GGT1: variants seen among roughly 807,000 people sequenced by gnomAD.
GGT1 encodes the protein gamma-glutamyltransferase 1.
Under a neutral mutation model 56.0 loss-of-function variants are expected in GGT1, and 21 were observed. That is an observed-to-expected ratio of 0.38 (90% CI 0.27 to 0.54). GGT1 has a LOEUF of 0.54. GGT1 is among the 20% of genes least tolerant of loss of function. The pLI is 0.82. For synonymous variants in GGT1, 238 were observed against 342.6 expected (o/e 0.69, Z 3.37); for missense variants, 466 against 787.0 (o/e 0.59, Z 4.88).
chr22:24,619,184 T>A (rs6004202), intron 7 of GGT1, among the ~76,000 whole-genome samples: 12 of 152,154 alleles, frequency 7.9e-5, no homozygotes, highest in African/African-American at 2.9e-4. Context: ...GATCACCTGA[T>A]GTTAGGAGTT....
the GGT1 span, chr22:24,588,930 C>T: frequency 2.0e-6 from 2 of 1,003,328 alleles, no homozygotes; most frequent in Non-Finnish European, 1.2e-6. Flanking sequence ...ATCCGAGGTG[C>T]GCGGCCCACA....
chr22:24,604,309 G>A (rs1219875830), intron 1 of GGT1, among the ~76,000 whole-genome samples: 2 of 152,164 alleles, frequency 1.3e-5, no homozygotes, highest in Non-Finnish European at 2.9e-5. Context: ...ATGGGGTTGG[G>A]GCTGTGCTCT....
At chr22:24,616,283 AC>A (rs932840877) in intron 7 of GGT1, among the ~76,000 whole-genome samples, 7 of 151,462 alleles carry the variant, frequency 4.6e-5, no homozygotes, top group South Asian at 4.2e-4. Context: ...GCGTGGTGGC[AC>A]AGGCCTGTAA....
chr22:24,604,153 C>T (rs2045880697), intron 1 of GGT1, among the ~76,000 whole-genome samples: 1 of 138,774 alleles, frequency 7.2e-6, no homozygotes, highest in Non-Finnish European at 1.6e-5. Flanking sequence ...TGTGCATTCT[C>T]ATATCGAGGG....
At position 24,620,336 on chromosome 22, in the gene GGT1, T is replaced by A. The variant is rs2047343672; in HGVS notation, c.391T>A (p.Ser131Thr). 1 of 1,611,566 alleles carries A rather than the reference T, an allele frequency of 6.2e-7. No individual in the cohort carries two copies. Among genetic ancestry groups the A allele is most frequent in the South Asian group, 1.1e-5 (1 of 90,962 alleles). The change falls in exon 8 of 16, where the codon TCG becomes ACG. Residue 131 changes from serine to threonine, a missense_variant. Coordinates refer to ENST00000400382, the MANE Select transcript of GGT1 (RefSeq NM_001288833.2). This position sits in a 1 kb window ranked among gnomAD's most constrained non-coding sequence, Gnocchi z 5.6. ...SSEQSQKGGL[S>T]VAVPGEIRGY... ...TGGCTCTCTCTCCCCAGGGGGGCTG[T>A]CGGTGGCGGTGCCTGGGGAGATCCG...
At chr22:24,623,278 G>A (rs558399207) in intron 10 of GGT1, 22 bp downstream of exon 10, 14 of 1,515,908 alleles carry the variant, frequency 9.2e-6, no homozygotes, top group Admixed American at 3.9e-5. Context: ...CACCACAGCC[G>A]TGTGGTAGGA....
In GGT1 at chr22:24,620,064, C is replaced by G. The variant is rs571576677; in HGVS notation, c.383-264C>G. On this transcript the variant is annotated intron_variant, in intron 7 of 15. Transcript: ENST00000400382. This position sits in a 1 kb window ranked among gnomAD's most constrained non-coding sequence, Gnocchi z 5.6. Reference sequence around the variant, plus strand: ...AAAATAAATTTAAAAATTAAAAATCCCCTTCTGCTAGGTGTGCTGTTCACG... The same window carrying G: ...AAAATAAATTTAAAAATTAAAAATCGCCTTCTGCTAGGTGTGCTGTTCACG... Among the ~76,000 whole-genome samples, 1 of 151,916 alleles carries G rather than the reference C, an allele frequency of 6.6e-6. No homozygotes were observed. Among genetic ancestry groups the G allele is most frequent in the Non-Finnish European group, 1.5e-5 (1 of 67,966 alleles).
upstream of GGT1, chr22:24,592,505 C>T: frequency 2.3e-6 from 1 of 443,462 alleles, no homozygotes; most frequent in Admixed American, 2.6e-5. Context: ...TCCCGGGCCC[C>T]TCCCATCTTG....
chr22:24,606,733 A>T (rs1321171791), intron 1 of GGT1, among the ~76,000 whole-genome samples: 1 of 152,090 alleles, frequency 6.6e-6, no homozygotes, highest in Non-Finnish European at 1.5e-5. Context: ...GGATGACAGG[A>T]CAGGCCTATG....
upstream of GGT1, among the ~76,000 whole-genome samples, chr22:24,601,221 T>C (rs9624507): frequency 0.051 from 6,136 of 119,524 alleles, 383 homozygotes; most frequent in African/African-American, 0.15. Context: ...ATCCGCATTG[T>C]TCGATCATTG....
chr22:24,585,874 G>T, the GGT1 span: 1 of 1,566,206 alleles, frequency 6.4e-7, no homozygotes, highest in South Asian at 1.1e-5. Flanking sequence ...AATGAGCCAG[G>T]TGGGTGGTGG....
chr22:24,591,463 C>T (rs1209444499), upstream of GGT1, among the ~76,000 whole-genome samples: 1 of 152,176 alleles, frequency 6.6e-6, no homozygotes, highest in African/African-American at 2.4e-5. Context: ...TGGGCCTTCT[C>T]CAATCCATAG....
chr22:24,627,244 G>A (rs896457461), intron 11 of GGT1, 188 bp from the exon 12 acceptor site: 113 of 1,308,264 alleles, frequency 8.6e-5, no homozygotes, highest in African/African-American at 1.1e-4. Context: ...TTGCTGGAAC[G>A]CGACAGAGAC....
At chr22:24,597,068 C>T (rs918065180) in intron 1 of GGT1, among the ~76,000 whole-genome samples, 6 of 151,310 alleles carry the variant, frequency 4.0e-5, no homozygotes, top group East Asian at 2.0e-4. Flanking sequence ...CTGCAACCTC[C>T]ACCTCCCAGG....
Position 24,620,273 on chromosome 22 carries a change from G to T in GGT1, c.383-55G>T. ...GGACTGTGCCTGGGATGCTGCCTGC[G>T]AGAGATCCCGATGTCCCCCACTCAG... On this transcript the variant is annotated intron_variant, in intron 7 of 15. Transcript: ENST00000400382. The surrounding 1 kb of genome is among the most constrained non-coding windows in gnomAD (Gnocchi z 5.6). The T allele has an allele frequency of 4.4e-6, 7 of 1,587,046 alleles. No individual in the cohort carries two copies. The highest frequency in any genetic ancestry group is 6.0e-6 in the Non-Finnish European group (7 of 1,168,020).
chr22:24,586,225 G>A, the GGT1 span: 2 of 1,613,682 alleles, frequency 1.2e-6, no homozygotes, highest in Non-Finnish European at 1.7e-6. Context: ...GCGCCCACAG[G>A]CTGGGCAGCA....
At chr22:24,602,392 G>A (rs1174882596), upstream of GGT1, among the ~76,000 whole-genome samples, 4 of 152,220 alleles carry the variant, frequency 2.6e-5, no homozygotes, top group African/African-American at 9.6e-5. Context: ...ATGGGAGAAT[G>A]AATGATGGAA....
chr22:24,589,724 G>T, the GGT1 span: 6 of 1,377,966 alleles, frequency 4.4e-6, no homozygotes, highest in African/African-American at 7.4e-5. Flanking sequence ...ACAGCAAGCC[G>T]CAGAAGGACC....
intron 7 of GGT1, among the ~76,000 whole-genome samples, chr22:24,617,775 C>G (rs1434791451): frequency 6.6e-6 from 1 of 152,000 alleles, no homozygotes; most frequent in Non-Finnish European, 1.5e-5. Flanking sequence ...AGGAGCAGCC[C>G]AGGCCAGCAG....
Sources: gnomAD v4.1 joint callset for allele counts (sites outside exome capture counted in the v4.1 genomes callset) on GRCh38, gnomAD v4.1.1 for gene constraint, Gnocchi (gnomAD v3.1) non-coding constraint, MANE v1.5 for transcripts, NCBI Gene and HGNC (gene_info 2026-07-23, HGNC 2026-07-21) for gene names.